The following GBE1 variants were observed in gnomAD, a reference collection of about 807,000 sequenced individuals.
GBE1 encodes the protein 1,4-alpha-glucan-branching enzyme.
GBE1 carries 70 observed loss-of-function variants against 88.8 expected under a neutral mutation model. The ratio of observed to expected loss-of-function variants is 0.79; its 90% CI spans 0.65 to 0.96. GBE1 has a LOEUF of 0.96. GBE1 is among the 40% of genes least tolerant of loss of function. The pLI, the probability that GBE1 is intolerant of heterozygous loss-of-function variation, is 0.00. For synonymous variants in GBE1, 284 were observed against 300.1 expected (o/e 0.95, Z 0.56); for missense variants, 872 against 871.0 (o/e 1.00, Z -0.01).
intron 1 of GBE1, among the ~76,000 whole-genome samples, chr3:81,725,420 G>A (rs1312112467): frequency 6.6e-6 from 1 of 152,066 alleles, no homozygotes; most frequent in Non-Finnish European, 1.5e-5. Flanking sequence ...AGGTCTTCAG[G>A]AGCAGTAACA....
intron 7 of GBE1, among the ~76,000 whole-genome samples, chr3:81,624,535 G>A (rs920473986): frequency 2.6e-5 from 4 of 152,018 alleles, no homozygotes; most frequent in Admixed American, 1.3e-4. Flanking sequence ...GTGTATTCTT[G>A]CCCTATTGTC....
intron 7 of GBE1, among the ~76,000 whole-genome samples, chr3:81,595,885 A>G (rs1387453451): frequency 6.6e-6 from 1 of 152,052 alleles, no homozygotes; most frequent in Non-Finnish European, 1.5e-5. Context: ...AATTCCTGTG[A>G]TAATCAGAAA....
At chr3:81,567,451 T>C (rs1211189579) in intron 12 of GBE1, among the ~76,000 whole-genome samples, 1 of 152,220 alleles carries the variant, frequency 6.6e-6, no homozygotes, top group African/African-American at 2.4e-5. Flanking sequence ...CAATTTTATT[T>C]ATCCAGTTCT....
chr3:81,752,551 C>T (rs1251691473), intron 1 of GBE1, among the ~76,000 whole-genome samples: 1 of 152,130 alleles, frequency 6.6e-6, no homozygotes, highest in East Asian at 1.9e-4. Context: ...TAGCATTTAC[C>T]TCTCTCAATA....
intron 2 of GBE1, 118 bp downstream of exon 2, chr3:81,705,326 C>T (rs1705758364): frequency 1.3e-6 from 1 of 764,008 alleles, no homozygotes; most frequent in African/African-American, 1.9e-5. Context: ...TCTGAAAAGT[C>T]TGATATTTAT....
chr3:81,695,505 GAACT>G (rs1301685356), intron 2 of GBE1, among the ~76,000 whole-genome samples: 2 of 152,160 alleles, frequency 1.3e-5, no homozygotes, highest in Admixed American at 1.3e-4. Flanking sequence ...AGGGGAATTA[GAACT>G]AACTACTAAC....
chr3:81,551,634 G>A lies in GBE1; in HGVS notation c.1619-14539C>T, dbSNP rs140251436. 8.0e-3 allele frequency among the ~76,000 whole-genome samples: 1,214 copies of A among 152,206 alleles called. 14 individuals are homozygous for A. Among genetic ancestry groups the A allele is most frequent in the African/African-American group, 0.027 (1,108 of 41,508 alleles). On this transcript the variant is annotated intron_variant, in intron 12 of 15. Coordinates refer to ENST00000429644, the MANE Select transcript of GBE1 (RefSeq NM_000158.4). ...TCCCACCTGTCCTTCAAGTTGTCCT[G>A]CTGCTTTGGACTGAACCAATGTTCA...
intron 7 of GBE1, among the ~76,000 whole-genome samples, chr3:81,601,787 C>A (rs918585485): frequency 6.6e-6 from 1 of 152,126 alleles, no homozygotes; most frequent in Non-Finnish European, 1.5e-5. Context: ...AACATCAAAG[C>A]TAAATAATCC....
At chr3:81,674,846 G>A (rs1442110033) in intron 2 of GBE1, among the ~76,000 whole-genome samples, 1 of 151,846 alleles carries the variant, frequency 6.6e-6, no homozygotes, top group East Asian at 1.9e-4. Flanking sequence ...GCATTGCTAT[G>A]CAGACCTGAG....
chr3:81,727,018 G>A (rs1706122491), intron 1 of GBE1, among the ~76,000 whole-genome samples: 1 of 152,256 alleles, frequency 6.6e-6, no homozygotes, highest in East Asian at 1.9e-4. Flanking sequence ...GGGTGGAGGA[G>A]GGTATGGGGT....
chr3:81,721,192 A>G (rs1706022405), intron 1 of GBE1, among the ~76,000 whole-genome samples: 1 of 100,576 alleles, frequency 9.9e-6, no homozygotes, highest in Admixed American at 9.9e-5. Flanking sequence ...CCTAAAACTT[A>G]GAGTATAATA....
At chr3:81,499,888 A>G (rs1190492430) in intron 14 of GBE1, among the ~76,000 whole-genome samples, 1 of 152,196 alleles carries the variant, frequency 6.6e-6, no homozygotes, top group Admixed American at 6.6e-5. Flanking sequence ...ATGTCTAGAA[A>G]TGGTACTTGA....
intron 7 of GBE1, among the ~76,000 whole-genome samples, chr3:81,626,214 C>T (rs1704411969): frequency 6.6e-6 from 1 of 152,156 alleles, no homozygotes; most frequent in African/African-American, 2.4e-5. Flanking sequence ...ATCACTATAT[C>T]TGTATTGGTT....
At chr3:81,544,521 A>G (rs1703180515) in intron 12 of GBE1, among the ~76,000 whole-genome samples, 1 of 152,178 alleles carries the variant, frequency 6.6e-6, no homozygotes, top group Non-Finnish European at 1.5e-5. Context: ...ATTGCATTCA[A>G]TATAGTAACA....
At chr3:81,686,377 AC>A (rs1398826419) in intron 2 of GBE1, among the ~76,000 whole-genome samples, 17 of 152,278 alleles carry the variant, frequency 1.1e-4, no homozygotes, top group Admixed American at 1.1e-3. Context: ...GAATGCAGGT[AC>A]ATGGGGTCCT....
intron 12 of GBE1, among the ~76,000 whole-genome samples, chr3:81,547,808 C>G (rs1357748372): frequency 6.6e-6 from 1 of 151,264 alleles, no homozygotes; most frequent in Non-Finnish European, 1.5e-5. Context: ...GTGTGCCTTT[C>G]TGTATTGTTT....
intron 12 of GBE1, among the ~76,000 whole-genome samples, chr3:81,566,922 G>C (rs1703503443): frequency 6.6e-6 from 1 of 151,930 alleles, no homozygotes; most frequent in African/African-American, 2.4e-5. Flanking sequence ...CTTTGAATAG[G>C]CCTTTTCTGA....
Position 81,682,463 on chromosome 3 carries a change from A to AAAAT in GBE1, c.314-11514_314-11511dup, listed in dbSNP as rs563365792. On this transcript the variant is annotated intron_variant, in intron 2 of 15. Transcript: ENST00000429644. ...GGTGGTAGAGCAAGGCTCTTTCTCA[A>AAAAT]AAATAAATAAATAAATAAATAAAAA... Among the ~76,000 whole-genome samples, 1,066 of 152,162 alleles carry AAAAT rather than the reference A, an allele frequency of 7.0e-3. 12 individuals carry two copies. The highest frequency in any genetic ancestry group is 0.024 in the African/African-American group (983 of 41,486).
At chr3:81,547,625 T>TTCTCTCTCTCTCTCTCTCTC (rs56681369) in intron 12 of GBE1, among the ~76,000 whole-genome samples, 6 of 138,280 alleles carry the variant, frequency 4.3e-5, no homozygotes, top group African/African-American at 1.6e-4. Flanking sequence ...GGTTCGTTTG[T>TTCTCTCTCTCTCTCTCTCTC]TCTCTCTCTC....
Sources: gnomAD v4.1 joint callset for allele counts (sites outside exome capture counted in the v4.1 genomes callset) on GRCh38, gnomAD v4.1.1 for gene constraint, MANE v1.5 for transcripts, NCBI Gene and HGNC (gene_info 2026-07-23, HGNC 2026-07-21) for gene names.